Variants in AFTPH observed in about 807,000 individuals in gnomAD.
AFTPH encodes the protein aftiphilin protein.
AFTPH carries 7 observed loss-of-function variants against 72.5 expected under a neutral mutation model. The observed-to-expected ratio is 0.10, with a 90% CI of 0.05 to 0.18. The LOEUF (loss-of-function observed/expected upper bound fraction) is 0.18, where lower values mean the gene tolerates loss of function less well. Ranked by LOEUF, AFTPH falls within the 10% of genes least tolerant of loss-of-function variation. The pLI is 1.00. For missense variants in AFTPH, 979 were observed against 1,060.5 expected, an observed-to-expected ratio of 0.92 and a Z score of 1.07; for synonymous variants, 337 against 370.1, an observed-to-expected ratio of 0.91 and a Z score of 1.03.
intron 1 of AFTPH, chr2:64,525,608 G>A (rs1669210945): frequency 6.5e-6 from 1 of 153,908 alleles, no homozygotes; most frequent in African/African-American, 2.4e-5. Context: ...TTATTTGGTG[G>A]AGGGGAGACA....
chr2:64,525,431 C>A (rs1485668902), intron 1 of AFTPH: 1 of 154,102 alleles, frequency 6.5e-6, no homozygotes, highest in Middle Eastern at 5.2e-4. Context: ...CTGTTGGGGC[C>A]GAGGGAAGAA....
intron 5 of AFTPH, among the ~76,000 whole-genome samples, chr2:64,571,634 C>T (rs981059656): frequency 5.3e-5 from 8 of 152,240 alleles, no homozygotes; most frequent in South Asian, 2.1e-4. Context: ...CAGGGATTCT[C>T]CTGAAAATTT....
chr2:64,573,432 T>TA (rs57001495), intron 6 of AFTPH, among the ~76,000 whole-genome samples: 55,420 of 140,360 alleles, frequency 0.39, 10,796 homozygotes, highest in Non-Finnish European at 0.44. Flanking sequence ...GTGCTGGGTT[T>TA]AAAAAAAAAA....
In AFTPH at chr2:64,529,975, G is replaced by A. The variant is rs192896758; in HGVS notation, c.-33+5363G>A. 1.3e-3 allele frequency among the ~76,000 whole-genome samples: 193 copies of A among 152,176 alleles called. 1 individual carries two copies. Among genetic ancestry groups the A allele is most frequent in the Non-Finnish European group, 2.4e-3 (165 of 67,986 alleles). ...TGGAGACCAGCCTGGCCAACATGGT[G>A]AAACCCCGTCTCTTCTAAAAATATA... is the stretch of plus-strand genomic sequence containing the variant. On this transcript the variant is annotated intron_variant, in intron 1 of 8. Transcript: ENST00000238856.
At chr2:64,588,939 T>A (rs192571710) in intron 8 of AFTPH, among the ~76,000 whole-genome samples, 165 of 152,294 alleles carry the variant, frequency 1.1e-3, no homozygotes, top group African/African-American at 3.9e-3. Context: ...GTTGTAAGAT[T>A]TTTAAGTATA....
rs146488446 is a variant in AFTPH at position 64,530,151 on chromosome 2, G to A, written c.-33+5539G>A. 1.2e-3 allele frequency among the ~76,000 whole-genome samples: 178 copies of A among 152,096 alleles called. 2 individuals carry two copies. Among genetic ancestry groups the A allele is most frequent in the African/African-American group, 4.0e-3 (168 of 41,514 alleles). On this transcript the variant is annotated intron_variant, in intron 1 of 8. Coordinates refer to ENST00000238856, the Ensembl canonical transcript of AFTPH. ...AGCCTGGACAACAGAGTGAGGCTCC[G>A]TCTCAACAACAACAAAAAAAAGCAA...
At chr2:64,524,994 CT>C (rs1301063143) in intron 1 of AFTPH, among the ~76,000 whole-genome samples, 1 of 152,230 alleles carries the variant, frequency 6.6e-6, no homozygotes, top group South Asian at 2.1e-4. Flanking sequence ...GCTTGGGCTT[CT>C]TCGCTCTCCT....
chr2:64,530,071 A>G (rs111450073), intron 1 of AFTPH, among the ~76,000 whole-genome samples: 18 of 152,200 alleles, frequency 1.2e-4, no homozygotes, highest in African/African-American at 3.4e-4. Flanking sequence ...CAGGAGAATC[A>G]CTTGAACCTG....
At chr2:64,537,107 T>A (rs7577640) in intron 1 of AFTPH, among the ~76,000 whole-genome samples, 1 of 147,842 alleles carries the variant, frequency 6.8e-6, no homozygotes, top group African/African-American at 2.6e-5. Flanking sequence ...TCCTTATTAA[T>A]AGACTGTTTT....
intron 1 of AFTPH, among the ~76,000 whole-genome samples, chr2:64,540,403 A>C (rs1292540995): frequency 6.6e-6 from 1 of 152,224 alleles, no homozygotes; most frequent in Non-Finnish European, 1.5e-5. Context: ...GTCAGCTGAT[A>C]TGATGAGTTA....
At chr2:64,530,112 T>C (rs1227488538) in intron 1 of AFTPH, among the ~76,000 whole-genome samples, 4 of 152,094 alleles carry the variant, frequency 2.6e-5, no homozygotes, top group African/African-American at 9.7e-5. Context: ...GCCAAGATCA[T>C]GCCATTGCAC....
At chr2:64,564,429 A>C (rs1671925812) in intron 2 of AFTPH, among the ~76,000 whole-genome samples, 1 of 152,100 alleles carries the variant, frequency 6.6e-6, no homozygotes. Context: ...CGTGAGGTAG[A>C]TAGACCCTGA....
chr2:64,535,292 C>T (rs1193078467), intron 1 of AFTPH, among the ~76,000 whole-genome samples: 1 of 145,092 alleles, frequency 6.9e-6, no homozygotes. Flanking sequence ...TTAGTATCAT[C>T]TTCGAAACTT....
intron 1 of AFTPH, among the ~76,000 whole-genome samples, chr2:64,539,460 T>G (rs1670090688): frequency 6.6e-6 from 1 of 152,210 alleles, no homozygotes; most frequent in Non-Finnish European, 1.5e-5. Flanking sequence ...ATTGGGTTGT[T>G]TGTCCCACAT....
chr2:64,555,555 TCACACACACACA>T (rs111905151), intron 2 of AFTPH, among the ~76,000 whole-genome samples: 33 of 140,868 alleles, frequency 2.3e-4, no homozygotes, highest in Non-Finnish European at 3.4e-4. Context: ...AGAGAGACTG[TCACACACACACA>T]CACACACACA....
chr2:64,542,217 A>G lies in AFTPH; in HGVS notation c.-32-9226A>G, dbSNP rs78445541. 2.8e-3 allele frequency among the ~76,000 whole-genome samples: 424 copies of G among 152,268 alleles called. 2 individuals are homozygous for G. The highest frequency in any genetic ancestry group is 8.6e-3 in the African/African-American group (356 of 41,562). Reference sequence around the variant, plus strand: ...GATGTTTGATTCTGGAAAGATTGCTAGAGGGCCTCTTACTTAGAGACACTC... The same window carrying G: ...GATGTTTGATTCTGGAAAGATTGCTGGAGGGCCTCTTACTTAGAGACACTC... On this transcript the variant is annotated intron_variant, in intron 1 of 8. Coordinates refer to ENST00000238856, the Ensembl canonical transcript of AFTPH.
At chr2:64,542,735 G>A (rs1670332370) in intron 1 of AFTPH, among the ~76,000 whole-genome samples, 1 of 151,988 alleles carries the variant, frequency 6.6e-6, no homozygotes, top group East Asian at 1.9e-4. Context: ...TGTATCTTTA[G>A]TGTGGTTATG....
At chr2:64,584,156 C>G (rs1673366686) in intron 7 of AFTPH, among the ~76,000 whole-genome samples, 2 of 151,778 alleles carry the variant, frequency 1.3e-5, no homozygotes, top group Admixed American at 6.6e-5. Context: ...AAGTTATTTG[C>G]TGGTACCAGG....
chr2:64,590,029 G>C (rs1386780124), intron 8 of AFTPH, among the ~76,000 whole-genome samples: 3 of 151,362 alleles, frequency 2.0e-5, no homozygotes, highest in Non-Finnish European at 4.4e-5. Context: ...GTCTTAGTCA[G>C]TGATCTCTGT....
Sources: allele counts gnomAD v4.1 joint callset (sites outside exome capture counted in the v4.1 genomes callset), GRCh38; gene constraint gnomAD v4.1.1; transcripts MANE v1.5; gene names NCBI Gene and HGNC (gene_info 2026-07-23, HGNC 2026-07-21).